SLC30A10: variants seen among roughly 807,000 people sequenced by gnomAD.
SLC30A10 encodes calcium/manganese antiporter SLC30A10.
Under a neutral mutation model 21.7 loss-of-function variants are expected in SLC30A10, and 8 were observed. The observed-to-expected ratio is 0.37, with a 90% confidence interval of 0.22 to 0.67. The LOEUF is 0.67. SLC30A10 is among the 30% of genes least tolerant of loss of function. The probability of loss-of-function intolerance (pLI) is 0.58; values close to 1 mark genes in which losing one functional copy is unlikely to be tolerated. For synonymous variants in SLC30A10, 272 were observed against 279.4 expected, an observed-to-expected ratio of 0.97 and a Z score of 0.26; for missense variants, 521 against 642.5, an observed-to-expected ratio of 0.81 and a Z score of 2.04.
intron 1 of SLC30A10, among the ~76,000 whole-genome samples, chr1:219,953,091 A>G (rs1660291875): frequency 1.3e-5 from 2 of 152,204 alleles, no homozygotes; most frequent in African/African-American, 4.8e-5. Context: ...TGTGGAAGTT[A>G]ATTGATCAAC....
chr1:219,924,280 G>T (rs531698885), intron 2 of SLC30A10, among the ~76,000 whole-genome samples: 58 of 152,268 alleles, frequency 3.8e-4, no homozygotes, highest in Middle Eastern at 6.8e-3. Flanking sequence ...AGAGAAGCAA[G>T]CCCTGTCTGG....
At chr1:219,953,602 CA>C (rs565963461) in intron 1 of SLC30A10, among the ~76,000 whole-genome samples, 10 of 132,030 alleles carry the variant, frequency 7.6e-5, no homozygotes, top group Admixed American at 1.5e-4. Context: ...GACTCCGTCT[CA>C]AAAAAAAAAG....
chr1:219,910,531 GC>G lies in SLC30A10; in HGVS notation c.*4917del, dbSNP rs1466253882. On this transcript the variant is annotated 3_prime_UTR_variant, in exon 4 of 4. Coordinates refer to ENST00000366926, the MANE Select transcript of SLC30A10 (RefSeq NM_018713.3). The stretch of plus-strand genomic sequence containing the variant: ...ACATACATTACTGGGGGATTCACAT[GC>G]AATTATTAATGAGTTATTTAAACTT... Among the ~76,000 whole-genome samples, 53 of 152,170 alleles carry G rather than the reference GC, an allele frequency of 3.5e-4. 1 individual carries two copies. Among genetic ancestry groups the G allele is most frequent in the Admixed American group, 7.2e-4 (11 of 15,286 alleles).
At chr1:219,922,559 A>C (rs1659722770) in intron 2 of SLC30A10, among the ~76,000 whole-genome samples, 1 of 152,082 alleles carries the variant, frequency 6.6e-6, no homozygotes, top group African/African-American at 2.4e-5. Context: ...TGACGTGCTA[A>C]ATTTGGACTC....
chr1:219,926,005 GGAT>G (rs1659816928), intron 2 of SLC30A10, among the ~76,000 whole-genome samples: 1 of 151,960 alleles, frequency 6.6e-6, no homozygotes. Context: ...GAGAGATAAA[GGAT>G]GATTTTTTTT....
At chr1:219,926,632 A>G (rs1659833565) in intron 2 of SLC30A10, among the ~76,000 whole-genome samples, 1 of 152,234 alleles carries the variant, frequency 6.6e-6, no homozygotes, top group Non-Finnish European at 1.5e-5. Context: ...AGGGTCACTC[A>G]GCAATGCGAG....
At chr1:219,925,335 ACCAGCCTGG>A (rs550139726) in intron 2 of SLC30A10, among the ~76,000 whole-genome samples, 105 of 152,076 alleles carry the variant, frequency 6.9e-4, no homozygotes, top group African/African-American at 2.5e-3. Context: ...GGAGTTCGAG[ACCAGCCTGG>A]CCAACATGGT....
rs1553311741 is a variant in SLC30A10 at position 219,911,149 on chromosome 1, G to GTTTTTTTTTTGTTTTTTTTTTT, written c.*4299_*4300insAAAAAAAAAAACAAAAAAAAAA. On this transcript the variant is annotated 3_prime_UTR_variant, in exon 4 of 4. Transcript: ENST00000366926. ...ATGTTTCTTCATTTTTTCTACATCA[G>GTTTTTTTTTTGTTTTTTTTTTT]TTTTTTTTTTTTTTTTTTTTTTTTT... 0.021 allele frequency among the ~76,000 whole-genome samples: 1,027 copies of GTTTTTTTTTTGTTTTTTTTTTT among 49,334 alleles called. 7 individuals carry two copies. Among genetic ancestry groups the GTTTTTTTTTTGTTTTTTTTTTT allele is most frequent in the Non-Finnish European group, 0.035 (789 of 22,394 alleles). The allele number at this position is 49,334 out of a possible 152,430, so 32.4% of individuals were successfully genotyped here. A position where few individuals can be genotyped will look rare whatever the true frequency, so the allele number is the denominator to read the frequency against.
At chr1:219,948,634 C>T (rs1313701626) in intron 1 of SLC30A10, among the ~76,000 whole-genome samples, 9 of 152,028 alleles carry the variant, frequency 5.9e-5, no homozygotes, top group South Asian at 2.1e-4. Context: ...AAGACTTAAA[C>T]GTTAGACCTA....
chr1:219,948,995 A>G (rs1323814821), intron 1 of SLC30A10, among the ~76,000 whole-genome samples: 5 of 152,050 alleles, frequency 3.3e-5, no homozygotes, highest in South Asian at 2.1e-4. Context: ...GCAGCCAAAA[A>G]ACACATGAAA....
At chr1:219,946,064 C>T (rs1040779549) in intron 1 of SLC30A10, among the ~76,000 whole-genome samples, 62 of 152,222 alleles carry the variant, frequency 4.1e-4, no homozygotes, top group African/African-American at 1.5e-3. Flanking sequence ...ATTTCTTTGG[C>T]TATTAATACA....
intron 3 of SLC30A10, among the ~76,000 whole-genome samples, chr1:219,917,563 AT>A (rs1339916682): frequency 2.6e-5 from 4 of 152,104 alleles, no homozygotes; most frequent in African/African-American, 4.8e-5. Context: ...AATATGAATG[AT>A]TTGTGTTTTT....
Position 219,953,368 on chromosome 1 carries a change from G to A in SLC30A10, n.80+5200C>T, listed in dbSNP as rs550967694. On this transcript the variant is annotated intron_variant and non_coding_transcript_variant, in intron 1 of 8. Transcript: ENST00000484239. ...TCCCAGCACTTTGGGAGGCCGAGGC[G>A]GGCAGATCATGAGGTCAGGAGATCG... Among the ~76,000 whole-genome samples, 67 of 152,012 alleles carry A rather than the reference G, an allele frequency of 4.4e-4. 1 individual carries two copies. Among genetic ancestry groups the A allele is most frequent in the Admixed American group, 1.2e-3 (19 of 15,272 alleles).
At chr1:219,947,551 C>A (rs1382002926) in intron 1 of SLC30A10, among the ~76,000 whole-genome samples, 5 of 152,066 alleles carry the variant, frequency 3.3e-5, no homozygotes, top group African/African-American at 1.2e-4. Flanking sequence ...ATTACCTCCT[C>A]AAAATTCTCT....
chr1:219,917,836 G>C (rs551188278), intron 3 of SLC30A10, among the ~76,000 whole-genome samples: 1 of 149,098 alleles, frequency 6.7e-6, no homozygotes, highest in Non-Finnish European at 1.5e-5. Flanking sequence ...TCAGCCTCCC[G>C]AGTAGTTGGG....
chr1:219,951,637 C>T (rs1358818947), intron 1 of SLC30A10, among the ~76,000 whole-genome samples: 3 of 151,608 alleles, frequency 2.0e-5, no homozygotes, highest in Non-Finnish European at 4.4e-5. Flanking sequence ...AGGAGAATGG[C>T]GTGAACCCAG....
At chr1:219,920,076 C>T (rs974559567) in intron 2 of SLC30A10, among the ~76,000 whole-genome samples, 7 of 152,046 alleles carry the variant, frequency 4.6e-5, no homozygotes, top group African/African-American at 1.7e-4. Flanking sequence ...TAATTTGAGG[C>T]AGTTGCCTCA....
intron 1 of SLC30A10, 79 bp from the exon 2 acceptor site, chr1:219,927,184 GTT>G: frequency 1.4e-6 from 2 of 1,465,944 alleles, no homozygotes; most frequent in Non-Finnish European, 9.5e-7. Context: ...TCAAAATAAA[GTT>G]TTGTTATTTT....
intron 2 of SLC30A10, among the ~76,000 whole-genome samples, chr1:219,926,331 G>T (rs758767262): frequency 6.6e-6 from 1 of 152,230 alleles, no homozygotes; most frequent in South Asian, 2.1e-4. Flanking sequence ...AATTCTCAAA[G>T]TCAAAATTGG....
Sources: gnomAD v4.1 joint callset for allele counts (sites outside exome capture counted in the v4.1 genomes callset) on GRCh38, gnomAD v4.1.1 for gene constraint, MANE v1.5 for transcripts, NCBI Gene and HGNC (gene_info 2026-07-23, HGNC 2026-07-21) for gene names.